Variants in DPP10 observed in about 807,000 individuals in gnomAD.
DPP10 encodes the protein dipeptidyl peptidase like 10.
Under a neutral mutation model 120.9 loss-of-function variants are expected in DPP10, and 33 were observed. The observed-to-expected ratio is 0.27, with a 90% CI of 0.21 to 0.37. The LOEUF (loss-of-function observed/expected upper bound fraction) is 0.37, where lower values mean the gene tolerates loss of function less well. Ranked by LOEUF, DPP10 falls within the 10% of genes least tolerant of loss-of-function variation. The pLI is 1.00. For synonymous variants in DPP10, 337 were observed against 326.1 expected, an observed-to-expected ratio of 1.03 and a Z score of -0.36; for missense variants, 816 against 942.8, an observed-to-expected ratio of 0.87 and a Z score of 1.76.
At chr2:115,523,600 C>G (rs1451038312) in intron 4 of DPP10, among the ~76,000 whole-genome samples, 2 of 151,962 alleles carry the variant, frequency 1.3e-5, no homozygotes, top group African/African-American at 2.4e-5. Context: ...AACAGCGTAC[C>G]ATTTCATACT....
At chr2:114,472,348 G>A (rs1159742487) in intron 1 of DPP10, among the ~76,000 whole-genome samples, 1 of 152,180 alleles carries the variant, frequency 6.6e-6, no homozygotes. Flanking sequence ...CTTCTGGATG[G>A]TAAAAGATTT....
intron 4 of DPP10, among the ~76,000 whole-genome samples, chr2:115,501,446 G>A (rs1382560711): frequency 1.3e-5 from 2 of 151,954 alleles, no homozygotes; most frequent in Non-Finnish European, 2.9e-5. Flanking sequence ...TTATCTTTGT[G>A]TTTCTGTGTT....
At chr2:115,658,355 A>G (rs766259485) in intron 5 of DPP10, among the ~76,000 whole-genome samples, 1 of 148,874 alleles carries the variant, frequency 6.7e-6, no homozygotes, top group African/African-American at 2.5e-5. Context: ...CTCCACCCCA[A>G]TCTCCCTTAT....
At chr2:115,010,040 TAA>T (rs1702149490) in intron 1 of DPP10, among the ~76,000 whole-genome samples, 4 of 152,214 alleles carry the variant, frequency 2.6e-5, no homozygotes, top group Admixed American at 2.0e-4. Flanking sequence ...GTGTTTATCT[TAA>T]TGATATTGTA....
intron 1 of DPP10, among the ~76,000 whole-genome samples, chr2:115,094,331 A>G (rs991846185): frequency 1.3e-5 from 2 of 152,164 alleles, no homozygotes; most frequent in African/African-American, 4.8e-5. Flanking sequence ...TCTAGTGTGA[A>G]TTGTCTGAAG....
At chr2:115,327,181 C>A (rs2062417277) in intron 2 of DPP10, among the ~76,000 whole-genome samples, 1 of 152,026 alleles carries the variant, frequency 6.6e-6, no homozygotes, top group Admixed American at 6.6e-5. Flanking sequence ...ACAGGCAGTA[C>A]AGGTTTGCAG....
chr2:114,824,211 A>T lies in DPP10; in HGVS notation c.60+381373A>T, dbSNP rs181293026. Among the ~76,000 whole-genome samples the T allele has an allele frequency of 2.6e-5, 4 of 152,326 alleles. No individual in the cohort carries two copies. The East Asian group carries it at 7.7e-4, about 29-fold the overall frequency. ...GTCTGTGCTTATGACCTTAGTGTTA[A>T]TACTGTGAAATGAAAGAAATATCGT... On this transcript the variant is annotated intron_variant, in intron 1 of 25. Transcript: ENST00000410059.
chr2:114,831,921 C>G (rs905570871), intron 1 of DPP10, among the ~76,000 whole-genome samples: 1 of 149,382 alleles, frequency 6.7e-6, no homozygotes, highest in African/African-American at 2.4e-5. Context: ...GGTTGATGCT[C>G]TCTGTCCAAA....
chr2:114,745,513 G>C (rs767477161), intron 1 of DPP10, among the ~76,000 whole-genome samples: 1 of 152,086 alleles, frequency 6.6e-6, no homozygotes, highest in Non-Finnish European at 1.5e-5. Context: ...AGTGCACAGA[G>C]AGCAAAAAGA....
At chr2:114,810,599 A>G (rs923672518) in intron 1 of DPP10, among the ~76,000 whole-genome samples, 1 of 152,338 alleles carries the variant, frequency 6.6e-6, no homozygotes, top group Admixed American at 6.5e-5. Context: ...CAAAAGGCAC[A>G]TTTTCCAGCA....
At chr2:114,577,510 T>C (rs1690152572) in intron 1 of DPP10, among the ~76,000 whole-genome samples, 1 of 152,186 alleles carries the variant, frequency 6.6e-6, no homozygotes, top group South Asian at 2.1e-4. Context: ...CTGCCATTGA[T>C]GACGAGGCCG....
chr2:114,792,990 T>TTG (rs55780807), intron 1 of DPP10, among the ~76,000 whole-genome samples: 5,951 of 143,662 alleles, frequency 0.041, 187 homozygotes, highest in African/African-American at 0.092. Flanking sequence ...AACTGTATTA[T>TTG]TGTGTGTGTG....
intron 1 of DPP10, among the ~76,000 whole-genome samples, chr2:115,275,537 C>CTAAG (rs1315307074): frequency 5.9e-5 from 9 of 152,040 alleles, no homozygotes; most frequent in Non-Finnish European, 7.4e-5. Context: ...AGTTCACATA[C>CTAAG]TAAGAGAAAC....
intron 7 of DPP10, among the ~76,000 whole-genome samples, chr2:115,709,112 C>T (rs1347133834): frequency 6.6e-6 from 1 of 152,114 alleles, no homozygotes; most frequent in Admixed American, 6.6e-5. Flanking sequence ...GTGAAATTTA[C>T]AGGAAAATAG....
chr2:114,671,838 A>T (rs1387944467), intron 1 of DPP10, among the ~76,000 whole-genome samples: 1 of 152,120 alleles, frequency 6.6e-6, no homozygotes, highest in Non-Finnish European at 1.5e-5. Flanking sequence ...TTTAAAAAAA[A>T]TATATTAAGC....
At chr2:114,844,308 G>T (rs2106461037) in intron 1 of DPP10, among the ~76,000 whole-genome samples, 1 of 152,084 alleles carries the variant, frequency 6.6e-6, no homozygotes, top group East Asian at 1.9e-4. Context: ...AATGCTAAAT[G>T]CCATGCTCAA....
At chr2:115,161,813 T>TCCCCCCCCCCCCCCCCCCCCCCC in intron 1 of DPP10, 1 of 744,540 alleles carries the variant, frequency 1.3e-6, no homozygotes, top group Non-Finnish European at 1.9e-6. Flanking sequence ...CTTCTTCCCC[T>TCCCCCCCCCCCCCCCCCCCCCCC]CCCCGCCCCT....
intron 1 of DPP10, among the ~76,000 whole-genome samples, chr2:115,001,723 T>A (rs894586454): frequency 6.6e-6 from 1 of 152,062 alleles, no homozygotes; most frequent in Non-Finnish European, 1.5e-5. Context: ...CAGGTGCAAT[T>A]CCAAACACTA....
chr2:115,212,146 G>A (rs2056554425), intron 1 of DPP10, among the ~76,000 whole-genome samples: 1 of 152,046 alleles, frequency 6.6e-6, no homozygotes, highest in Non-Finnish European at 1.5e-5. Flanking sequence ...CTTTATCTGT[G>A]TTACCTTTAA....
Sources: allele counts gnomAD v4.1 joint callset (sites outside exome capture counted in the v4.1 genomes callset), GRCh38; gene constraint gnomAD v4.1.1; transcripts MANE v1.5; gene names NCBI Gene and HGNC (gene_info 2026-07-23, HGNC 2026-07-21).